Variants in SNTG2 observed in about 807,000 individuals in gnomAD.
SNTG2 encodes gamma-2-syntrophin.
Under a neutral mutation model 70.9 loss-of-function variants are expected in SNTG2, and 74 were observed. The observed-to-expected ratio is 1.04, with a 90% CI of 0.86 to 1.27. SNTG2 has a LOEUF of 1.27. SNTG2 is among the 50% of genes most tolerant of loss of function. The pLI is 0.00. For synonymous variants in SNTG2, 278 were observed against 273.8 expected (o/e 1.02, Z -0.15); for missense variants, 717 against 690.7 (o/e 1.04, Z -0.43).
At chr2:1,224,469 T>C (rs1177138187) in intron 9 of SNTG2, among the ~76,000 whole-genome samples, 1 of 152,304 alleles carries the variant, frequency 6.6e-6, no homozygotes, top group South Asian at 2.1e-4. Context: ...CCTCCTCTGC[T>C]GCATGGCCAC....
rs760783629 is a variant in SNTG2 at position 1,098,161 on chromosome 2, C to T, written c.211-35C>T. On this transcript the variant is annotated intron_variant, in intron 2 of 16. Transcript: ENST00000308624. ...TTCACTTTCTGATAGTGCATTTTAA[C>T]CTAAACTTGGTTTGTTTTCTAAAAT... is the stretch of plus-strand genomic sequence containing the variant. The T allele has an allele frequency of 2.2e-5, 35 of 1,607,928 alleles. No individual in the cohort carries two copies. In the South Asian group the frequency reaches 3.6e-4, roughly 16 times the overall value.
chr2:1,342,130 C>G (rs1010764292), intron 16 of SNTG2, among the ~76,000 whole-genome samples: 1 of 152,212 alleles, frequency 6.6e-6, no homozygotes, highest in African/African-American at 2.4e-5. Context: ...TAATGCAAAT[C>G]AGAGCCTTCG....
intron 6 of SNTG2, among the ~76,000 whole-genome samples, chr2:1,152,819 A>C (rs537430674): frequency 9.9e-5 from 15 of 152,166 alleles, no homozygotes; most frequent in Non-Finnish European, 2.1e-4. Flanking sequence ...GATGTTGACC[A>C]CATCTATAAA....
At chr2:1,028,492 T>G (rs186055333) in intron 1 of SNTG2, among the ~76,000 whole-genome samples, 1 of 152,358 alleles carries the variant, frequency 6.6e-6, no homozygotes, top group African/African-American at 2.4e-5. Flanking sequence ...GCTGAGAAGC[T>G]TCCTTCCTCG....
chr2:989,161 A>G (rs1033168955), intron 1 of SNTG2, among the ~76,000 whole-genome samples: 1 of 152,216 alleles, frequency 6.6e-6, no homozygotes, highest in African/African-American at 2.4e-5. Flanking sequence ...GTAGGCAATC[A>G]TGTTATCTGG....
At chr2:1,125,524 C>T (rs1022810325) in intron 4 of SNTG2, among the ~76,000 whole-genome samples, 2 of 152,188 alleles carry the variant, frequency 1.3e-5, no homozygotes, top group African/African-American at 2.4e-5. Context: ...TGGTGTTAGT[C>T]ATTCAAAACC....
chr2:1,267,587 AC>A lies in SNTG2; in HGVS notation c.1284+17del, dbSNP rs1257570425. The A allele has an allele frequency of 6.2e-7, 1 of 1,609,508 alleles. No individual in the cohort carries two copies. The highest frequency in any genetic ancestry group is 8.5e-7 in the Non-Finnish European group (1 of 1,177,776). On this transcript the variant is annotated intron_variant, in intron 14 of 16. Transcript: ENST00000308624. ...GAGAACCGGGGTAAGTGAACAACTC[AC>A]ACTCTTCTCACCTACACCTGCTCGG...
intron 1 of SNTG2, among the ~76,000 whole-genome samples, chr2:982,564 C>T (rs1418068670): frequency 3.9e-5 from 6 of 152,194 alleles, no homozygotes; most frequent in Non-Finnish European, 7.3e-5. Context: ...ATGTAAAATA[C>T]GAAATGTGAT....
Position 1,356,997 on chromosome 2 carries a change from T to A in SNTG2, c.1489-10346T>A, listed in dbSNP as rs554705596. On this transcript the variant is annotated intron_variant, in intron 16 of 16. Transcript: ENST00000308624. ...GTTGTTAGTGCGTAGAAATGCAACT[T>A]TATTGTGTGTATCAATTTTGTCTTC... 5.9e-5 allele frequency among the ~76,000 whole-genome samples: 9 copies of A among 152,154 alleles called. No individual in the cohort carries two copies. In the South Asian group the frequency reaches 1.9e-3, roughly 32 times the overall value.
At chr2:965,970 T>C (rs1660551329) in intron 1 of SNTG2, among the ~76,000 whole-genome samples, 1 of 152,156 alleles carries the variant, frequency 6.6e-6, no homozygotes, top group Non-Finnish European at 1.5e-5. Flanking sequence ...TCCCGGCTCC[T>C]CCCAGCTGCT....
rs192203525 is a variant in SNTG2 at position 1,038,104 on chromosome 2, G to T, written c.73-45414G>T. The stretch of plus-strand genomic sequence containing the variant: ...ACGTCTGAGCAATTATGTATCCGTT[G>T]TCAAAACCTGGCCCTACTTTTGGTC... On this transcript the variant is annotated intron_variant, in intron 1 of 16. Coordinates refer to ENST00000308624, the MANE Select transcript of SNTG2 (RefSeq NM_018968.4). Among the ~76,000 whole-genome samples, 15 of 152,272 alleles carry T rather than the reference G, an allele frequency of 9.9e-5. No homozygotes were observed. In the East Asian group the frequency reaches 2.3e-3, roughly 24 times the overall value.
At position 1,267,353 on chromosome 2, in the gene SNTG2, T is replaced by C. The variant is rs749209940; in HGVS notation, c.1078-12T>C. 5.0e-6 allele frequency: 8 copies of C among 1,584,956 alleles called. No homozygotes were observed. In the South Asian group the frequency reaches 8.1e-5, roughly 16 times the overall value. On this transcript the variant is annotated splice_polypyrimidine_tract_variant and intron_variant, in intron 13 of 16. Transcript: ENST00000308624. ...AGCGCTGCACGTTTCCAATCCATGC[T>C]CTGTTTTTCAGTTCTGGCTCACAGA...
At chr2:1,065,615 T>G (rs1375214998) in intron 1 of SNTG2, among the ~76,000 whole-genome samples, 3 of 152,244 alleles carry the variant, frequency 2.0e-5, no homozygotes, top group African/African-American at 4.8e-5. Flanking sequence ...GCATTTTTGT[T>G]TTTGTTAAAA....
At chr2:1,210,805 G>A (rs959959584) in intron 9 of SNTG2, 3 of 152,148 alleles carry the variant, frequency 2.0e-5, no homozygotes, top group Non-Finnish European at 2.9e-5. Context: ...ACACAAATAC[G>A]ATTGTGTTAC....
chr2:960,447 T>C (rs751188368), intron 1 of SNTG2, among the ~76,000 whole-genome samples: 14 of 152,228 alleles, frequency 9.2e-5, no homozygotes, highest in Non-Finnish European at 1.9e-4. Flanking sequence ...GAGATTGGAT[T>C]CCTGTTGTCT....
intron 4 of SNTG2, 140 bp from the exon 5 acceptor site, chr2:1,137,482 A>G: frequency 1.2e-6 from 1 of 812,388 alleles, no homozygotes; most frequent in South Asian, 1.6e-5. Context: ...ACAAACACAC[A>G]TCTGCTCACG....
Position 1,276,524 on chromosome 2 carries a change from G to A in SNTG2, c.1284+8953G>A, listed in dbSNP as rs1679275329. On this transcript the variant is annotated intron_variant, in intron 14 of 16. Transcript: ENST00000308624. ...GTTTAGTAAATATTTTAAGCCCACT[G>A]TTGAGACCTACTGCTCAGAAAAAAA... Among the ~76,000 whole-genome samples the A allele has an allele frequency of 2.6e-5, 4 of 152,210 alleles. No homozygotes were observed. The South Asian group carries it at 8.3e-4, about 32-fold the overall frequency.
At chr2:1,160,831 G>T (rs1476910571) in intron 6 of SNTG2, 4 of 152,244 alleles carry the variant, frequency 2.6e-5, no homozygotes, top group Admixed American at 2.6e-4. Context: ...CACCTTGCTC[G>T]CACCTGATCA....
chr2:1,137,876 G>C, intron 6 of SNTG2, 67 bp downstream of exon 6: 2 of 1,423,220 alleles, frequency 1.4e-6, no homozygotes, highest in Non-Finnish European at 2.0e-6. Flanking sequence ...TGTCTCTATA[G>C]TTGATATTTC....
Sources: allele counts gnomAD v4.1 joint callset (sites outside exome capture counted in the v4.1 genomes callset), GRCh38; gene constraint gnomAD v4.1.1; transcripts MANE v1.5; gene names NCBI Gene and HGNC (gene_info 2026-07-23, HGNC 2026-07-21).